ZNF407: variants seen among roughly 807,000 people sequenced by gnomAD.
The protein encoded by ZNF407 is zinc finger protein 407.
In ZNF407, 17 loss-of-function variants were observed where a neutral mutation model predicts 131.2. The ratio of observed to expected loss-of-function variants is 0.13; its 90% CI spans 0.09 to 0.19. The LOEUF is 0.19. ZNF407 is among the 10% of genes least tolerant of loss of function. The probability of loss-of-function intolerance (pLI) is 1.00; values close to 1 mark genes in which losing one functional copy is unlikely to be tolerated. For missense variants in ZNF407, 2,681 were observed against 2,830.6 expected (o/e 0.95, Z 1.20); for synonymous variants, 1,156 against 1,062.0 (o/e 1.09, Z -1.72).
intron 6 of ZNF407, 126 bp downstream of exon 6, chr18:74,881,245 T>C: frequency 2.8e-6 from 2 of 721,796 alleles, no homozygotes; most frequent in Non-Finnish European, 4.4e-6. Context: ...CTTGAAGGTC[T>C]ACAGATAATT....
Position 75,064,328 on chromosome 18 carries a change from G to C in ZNF407, c.6607G>C (p.Gly2203Arg). Residue 2203 changes from glycine (G) to arginine (R), a missense_variant, in exon 9 of 9, where the codon GGG (glycine) becomes CGG (arginine). Around this residue, in one of 6 missense-constraint regions of ZNF407, gnomAD observed 620 missense variants for 583.1 expected, o/e 1.06. Transcript: ENST00000299687. ...GGACTCGCAGGAACTCCTGCAGGCC[G>C]GGGCCACGCTAGGCACAGAGGCCGG... ...TADSQELLQA[G>R]ATLGTEAGAP... The C allele has an allele frequency of 6.3e-7, 1 of 1,595,706 alleles. No homozygotes were observed. Among genetic ancestry groups the C allele is most frequent in the Non-Finnish European group, 8.5e-7 (1 of 1,172,078 alleles).
intron 3 of ZNF407, among the ~76,000 whole-genome samples, chr18:74,684,442 A>G (rs1397878240): frequency 6.6e-6 from 1 of 152,220 alleles, no homozygotes; most frequent in Non-Finnish European, 1.5e-5. Flanking sequence ...ATGAATACTT[A>G]CGAAATAGTA....
chr18:74,871,908 T>G (rs1265325693), intron 4 of ZNF407, among the ~76,000 whole-genome samples: 1 of 151,560 alleles, frequency 6.6e-6, no homozygotes, highest in Non-Finnish European at 1.5e-5. Context: ...CTCACTTTGC[T>G]GCCCAGGCTG....
In ZNF407 at chr18:74,612,098, C is replaced by T. The variant is rs79149909; in HGVS notation, c.-54+14161C>T. Reference sequence around the variant, plus strand: ...GCTGCATTCATCACCAAGGATAATACGCAGCTGGAACATAATCTCAAGGGG... The same window carrying T: ...GCTGCATTCATCACCAAGGATAATATGCAGCTGGAACATAATCTCAAGGGG... On this transcript the variant is annotated intron_variant, in intron 1 of 8. Transcript: ENST00000299687. 6.0e-4 allele frequency among the ~76,000 whole-genome samples: 92 copies of T among 152,124 alleles called. No individual in the cohort carries two copies. In the East Asian group the frequency reaches 0.015, roughly 24 times the overall value.
intron 3 of ZNF407, among the ~76,000 whole-genome samples, chr18:74,741,551 A>G (rs548894653): frequency 2.8e-4 from 42 of 152,284 alleles, no homozygotes; most frequent in Admixed American, 5.2e-4. Flanking sequence ...ATGGTGTTCT[A>G]TGTTAAGTTT....
intron 4 of ZNF407, among the ~76,000 whole-genome samples, chr18:74,783,321 G>A (rs1969643043): frequency 6.6e-6 from 1 of 152,126 alleles, no homozygotes; most frequent in Non-Finnish European, 1.5e-5. Context: ...GTAGTAAGAA[G>A]AAAATATTTC....
At position 74,920,959 on chromosome 18, in the gene ZNF407, G is replaced by A. The variant is rs1264785167; in HGVS notation, c.5428+267G>A. Reference sequence around the variant, plus strand: ...AAGTTAATAATAGTAAATATTTAAAGCATAGTTGACCTGAAATGAGAGTAG... The same window carrying A: ...AAGTTAATAATAGTAAATATTTAAAACATAGTTGACCTGAAATGAGAGTAG... On this transcript the variant is annotated intron_variant, in intron 8 of 8. Transcript: ENST00000299687. 2.6e-6 allele frequency: 3 copies of A among 1,134,578 alleles called. No individual in the cohort carries two copies. In the African/African-American group the frequency reaches 4.8e-5, roughly 18 times the overall value. The allele number at this position is 1,134,578 out of a possible 1,614,324, so 70.3% of individuals were successfully genotyped here.
intron 8 of ZNF407, among the ~76,000 whole-genome samples, chr18:75,041,248 C>G (rs1379037533): frequency 6.6e-6 from 1 of 152,172 alleles, no homozygotes; most frequent in African/African-American, 2.4e-5. Flanking sequence ...AAATCACATT[C>G]TTAAAGAAAG....
intron 5 of ZNF407, among the ~76,000 whole-genome samples, chr18:74,878,858 G>C (rs985735773): frequency 2.7e-5 from 4 of 146,226 alleles, no homozygotes; most frequent in African/African-American, 1.0e-4. Flanking sequence ...CTGTTTGGCT[G>C]CTGATCAAAC....
intron 7 of ZNF407, among the ~76,000 whole-genome samples, chr18:74,913,922 C>A (rs1040152972): frequency 6.6e-6 from 1 of 152,052 alleles, no homozygotes; most frequent in African/African-American, 2.4e-5. Flanking sequence ...TAAGAAATTT[C>A]TTTTATTATG....
At chr18:75,042,383 G>A (rs145725252) in intron 8 of ZNF407, among the ~76,000 whole-genome samples, 1 of 152,230 alleles carries the variant, frequency 6.6e-6, no homozygotes, top group African/African-American at 2.4e-5. Flanking sequence ...TTTGTTTTCA[G>A]ATGTGAAAAA....
intron 4 of ZNF407, among the ~76,000 whole-genome samples, chr18:74,791,454 A>T (rs896967483): frequency 1.3e-5 from 2 of 152,196 alleles, no homozygotes; most frequent in African/African-American, 4.8e-5. Flanking sequence ...AGCATTGGGC[A>T]GTAAGCCTAT....
chr18:74,910,169 T>G (rs748250730), intron 7 of ZNF407, among the ~76,000 whole-genome samples: 1 of 152,186 alleles, frequency 6.6e-6, no homozygotes. Flanking sequence ...TATTGTACTC[T>G]AGAAAACTGT....
Position 74,982,172 on chromosome 18 carries a change from G to A in ZNF407, c.5428+61480G>A, listed in dbSNP as rs186540737. Among the ~76,000 whole-genome samples, 235 of 152,232 alleles carry A rather than the reference G, an allele frequency of 1.5e-3. 1 individual carries two copies. The highest frequency in any genetic ancestry group is 2.7e-3 in the Non-Finnish European group (185 of 68,010). Reference sequence around the variant, plus strand: ...TGCGGACTTTTTAGCATTCTCTAAGGTTTCCTTCTTTTGCGAACTTTTCAA... The same window carrying A: ...TGCGGACTTTTTAGCATTCTCTAAGATTTCCTTCTTTTGCGAACTTTTCAA... On this transcript the variant is annotated intron_variant, in intron 8 of 8. Transcript: ENST00000299687.
At chr18:74,863,740 A>G (rs1036958582) in intron 4 of ZNF407, among the ~76,000 whole-genome samples, 2 of 152,180 alleles carry the variant, frequency 1.3e-5, no homozygotes, top group African/African-American at 4.8e-5. Context: ...ACAATTTTAG[A>G]TGAGACTTTT....
At chr18:74,725,783 T>C (rs2144882123) in intron 3 of ZNF407, among the ~76,000 whole-genome samples, 1 of 152,342 alleles carries the variant, frequency 6.6e-6, no homozygotes, top group East Asian at 1.9e-4. Context: ...GGTGATGTTA[T>C]GTATCTGAAA....
In ZNF407 at chr18:74,631,589, C is replaced by A; in HGVS notation, c.570C>A (p.Ile190=). The A allele has an allele frequency of 6.2e-7, 1 of 1,613,806 alleles. No homozygotes were observed. The highest frequency in any genetic ancestry group is 8.5e-7 in the Non-Finnish European group (1 of 1,179,908). The change falls in exon 2 of 9, where the codon ATC becomes ATA. Residue 190 remains isoleucine, a synonymous_variant. Coordinates refer to ENST00000299687, the MANE Select transcript of ZNF407 (RefSeq NM_017757.3). ...TAGATACAGTTCTCAAATGCAGCAT[C>A]TGTGGGCATTTGTTTTCTTCTTGCT... ...GNVDTVLKCS[I]CGHLFSSCSD...
chr18:75,039,441 G>A (rs1286062904), intron 8 of ZNF407, among the ~76,000 whole-genome samples: 1 of 152,168 alleles, frequency 6.6e-6, no homozygotes, highest in Non-Finnish European at 1.5e-5. Context: ...CTGATGTGTG[G>A]ATGATAAAGA....
At chr18:74,873,658 C>T (rs1971117533) in intron 4 of ZNF407, among the ~76,000 whole-genome samples, 2 of 151,604 alleles carry the variant, frequency 1.3e-5, no homozygotes, top group South Asian at 4.2e-4. Flanking sequence ...CTGCAGTGAG[C>T]AGTGATCATA....
Sources: gnomAD v4.1 joint callset for allele counts (sites outside exome capture counted in the v4.1 genomes callset) on GRCh38, gnomAD v4.1.1 for gene constraint, gnomAD v4.1.1 regional missense constraint, MANE v1.5 for transcripts, NCBI Gene and HGNC (gene_info 2026-07-23, HGNC 2026-07-21) for gene names.